Variants in ODAD4 observed in about 807,000 individuals in gnomAD.
The protein encoded by ODAD4 is outer dynein arm docking complex subunit 4, also known as outer dynein arm-docking complex subunit 4.
Under a neutral mutation model 51.8 loss-of-function variants are expected in ODAD4, and 49 were observed. The observed-to-expected ratio is 0.95, with a 90% CI of 0.75 to 1.20. The LOEUF is 1.20. Among genes scored for constraint, ODAD4 ranks in the 50% most tolerant of loss-of-function variants. The pLI is 0.00. For synonymous variants in ODAD4, 235 were observed against 221.3 expected (o/e 1.06, Z -0.55); for missense variants, 590 against 586.5 (o/e 1.01, Z -0.06).
At chr17:41,944,444 A>ACACACACACACACACACACACACCCC (rs1191101800) in intron 7 of ODAD4, among the ~76,000 whole-genome samples, 1 of 19,548 alleles carries the variant, frequency 5.1e-5, no homozygotes, top group Admixed American at 7.5e-4. Flanking sequence ...ACACACACAC[A>ACACACACACACACACACACACACCCC]CCCCCCCGCA....
chr17:41,945,156 C>G lies in ODAD4; in HGVS notation c.1079C>G (p.Ser360Trp). Residue 360 changes from serine (S) to tryptophan (W), a missense_variant, in exon 8 of 12, where the codon TCG becomes TGG. Ser to Trp is a radical substitution (Grantham distance 177, BLOSUM62 -3). Transcript: ENST00000377540. The part of the protein sequence containing the change: ...AKEYDLPDAK[S>W]RALDNIGRVF... ...CACAGTGACCTTCCTGATGCAAAAT[C>G]GAGAGCCCTTGACAACATTGGCAGA... 6.2e-7 allele frequency: 1 copy of G among 1,613,228 alleles called. No homozygotes were observed. Among genetic ancestry groups the G allele is most frequent in the East Asian group, 2.2e-5 (1 of 44,884 alleles).
chr17:41,949,969 C>T (rs1455050676), intron 9 of ODAD4, among the ~76,000 whole-genome samples: 1 of 151,762 alleles, frequency 6.6e-6, no homozygotes, highest in Non-Finnish European at 1.5e-5. Flanking sequence ...CCACCATGCC[C>T]GGCCCTGTTT....
intron 9 of ODAD4, among the ~76,000 whole-genome samples, chr17:41,953,348 C>G (rs891051643): frequency 4.0e-5 from 6 of 150,728 alleles, no homozygotes; most frequent in African/African-American, 7.3e-5. Context: ...TGTGAGCCAC[C>G]GCGACTGGCT....
intron 7 of ODAD4, among the ~76,000 whole-genome samples, chr17:41,944,440 A>AC (rs2050556343): frequency 8.4e-4 from 4 of 4,752 alleles, no homozygotes; most frequent in Non-Finnish European, 1.4e-3. Context: ...ACACACACAC[A>AC]CACACCCCCC....
chr17:41,939,498 A>T (rs554546372), intron 7 of ODAD4, among the ~76,000 whole-genome samples: 1 of 152,236 alleles, frequency 6.6e-6, no homozygotes, highest in Non-Finnish European at 1.5e-5. Context: ...CTAGTGTGGG[A>T]ACACAGTAAT....
At chr17:41,955,690 C>A (rs1348846030) in intron 10 of ODAD4, among the ~76,000 whole-genome samples, 1 of 152,156 alleles carries the variant, frequency 6.6e-6, no homozygotes, top group East Asian at 1.9e-4. Context: ...TCTCAAAATG[C>A]TGGGATTACA....
chr17:41,938,467 G>A (rs2144497027), intron 5 of ODAD4, 90 bp from the exon 6 acceptor site: 2 of 1,008,118 alleles, frequency 2.0e-6, no homozygotes, highest in Non-Finnish European at 3.0e-6. Flanking sequence ...AGTTCACAGA[G>A]GGCCCTGCAG....
At chr17:41,959,864 C>T (rs1046594466) in intron 10 of ODAD4, among the ~76,000 whole-genome samples, 2 of 152,156 alleles carry the variant, frequency 1.3e-5, no homozygotes, top group South Asian at 4.1e-4. Context: ...CCTCTCATGG[C>T]GGAGAAATCA....
intron 8 of ODAD4, among the ~76,000 whole-genome samples, chr17:41,947,234 G>A (rs2050601379): frequency 1.3e-5 from 2 of 151,132 alleles, no homozygotes; most frequent in East Asian, 2.0e-4. Context: ...AGCACTTTGG[G>A]AGGCAGAGGC....
intron 1 of ODAD4, among the ~76,000 whole-genome samples, chr17:41,935,015 G>C (rs1718488821): frequency 6.6e-6 from 1 of 152,154 alleles, no homozygotes; most frequent in Admixed American, 6.6e-5. Flanking sequence ...TAATCAAGTT[G>C]ACTGAGCGCA....
At chr17:41,959,473 G>T (rs1294021309) in intron 10 of ODAD4, among the ~76,000 whole-genome samples, 1 of 152,158 alleles carries the variant, frequency 6.6e-6, no homozygotes, top group African/African-American at 2.4e-5. Flanking sequence ...CCAGCCTGGG[G>T]TCTGCAGGCA....
chr17:41,938,876 C>T, intron 6 of ODAD4, 89 bp from the exon 7 acceptor site: 2 of 1,573,734 alleles, frequency 1.3e-6, no homozygotes, highest in South Asian at 1.1e-5. Flanking sequence ...GTCTCTCAGA[C>T]CTGCAGATGG....
intron 7 of ODAD4, among the ~76,000 whole-genome samples, chr17:41,942,343 G>A (rs1282312025): frequency 1.3e-5 from 2 of 152,196 alleles, no homozygotes; most frequent in Non-Finnish European, 2.9e-5. Flanking sequence ...CCACTTGCTA[G>A]ATTAGCCACT....
chr17:41,964,938 C>G, intron 11 of ODAD4, 55 bp from the exon 12 acceptor site: 1 of 647,086 alleles, frequency 1.5e-6, no homozygotes, highest in Non-Finnish European at 2.8e-6. Flanking sequence ...CCACCGCACC[C>G]GGCCTGACAT....
chr17:41,960,107 G>A (rs782117500), intron 10 of ODAD4, among the ~76,000 whole-genome samples: 2 of 152,186 alleles, frequency 1.3e-5, no homozygotes, highest in African/African-American at 2.4e-5. Flanking sequence ...AATATTCGCC[G>A]AGTGTAGATT....
In ODAD4 at chr17:41,965,200, G is replaced by A; in HGVS notation, c.1736G>A (p.Gly579Glu). 1 of 774,052 alleles carries A rather than the reference G, an allele frequency of 1.3e-6. No individual in the cohort carries two copies. The highest frequency in any genetic ancestry group is 2.4e-6 in the Non-Finnish European group (1 of 414,830). 47.9% of individuals were successfully genotyped at this position (774,052 alleles called of 1,614,324 possible). A position where few individuals can be genotyped will look rare whatever the true frequency, so the allele number is the denominator to read the frequency against. ...GCAGGAAAAGCCAGAAGCGATTTGGGAGCAGTTGCCAAGGGCCTGTCAGGA... is the reference window on the plus strand; with the variant it reads ...GCAGGAAAAGCCAGAAGCGATTTGGAAGCAGTTGCCAAGGGCCTGTCAGGA... ...VEAGKARSDL[G>E]AVAKGLSGEL... is the part of the protein sequence containing the mutation. Residue 579 changes from glycine (G) to glutamate (E), a missense_variant, in exon 12 of 12, where the codon GGA (glycine) becomes GAA (glutamate). Physicochemically the swap from Gly to Glu is moderately conservative, Grantham distance 98 (BLOSUM62 -2). Around this residue, in one of 3 missense-constraint regions of ODAD4, gnomAD observed 226 missense variants for 162.7 expected, o/e 1.39. Transcript: ENST00000377540.
intron 9 of ODAD4, among the ~76,000 whole-genome samples, chr17:41,954,850 C>CA (rs57545570): frequency 0.06 from 5,573 of 92,434 alleles, 146 homozygotes; most frequent in Admixed American, 0.087. Context: ...AACTCTGTCT[C>CA]AAAAAAAAAA....
intron 8 of ODAD4, among the ~76,000 whole-genome samples, chr17:41,948,014 A>G (rs2144516331): frequency 6.6e-6 from 1 of 152,108 alleles, no homozygotes; most frequent in African/African-American, 2.4e-5. Flanking sequence ...GCTACTTGGG[A>G]GGCTGAGGCA....
intron 7 of ODAD4, among the ~76,000 whole-genome samples, chr17:41,943,336 T>C (rs1418283625): frequency 2.0e-5 from 3 of 152,122 alleles, no homozygotes; most frequent in Non-Finnish European, 4.4e-5. Flanking sequence ...TTCCAGCACT[T>C]TGGGATGTCA....
Sources: gnomAD v4.1 joint callset for allele counts (sites outside exome capture counted in the v4.1 genomes callset) on GRCh38, gnomAD v4.1.1 for gene constraint, gnomAD v4.1.1 regional missense constraint, MANE v1.5 for transcripts, NCBI Gene and HGNC (gene_info 2026-07-23, HGNC 2026-07-21) for gene names.